The following SEMA4D variants were observed in gnomAD, a reference collection of about 807,000 sequenced individuals.
The protein encoded by SEMA4D is semaphorin-4D.
SEMA4D carries 22 observed loss-of-function variants against 74.8 expected under a neutral mutation model. The ratio of observed to expected loss-of-function variants is 0.29; its 90% CI spans 0.21 to 0.42. SEMA4D has a LOEUF of 0.42. Among genes scored for constraint, SEMA4D ranks in the 10% least tolerant of loss-of-function variants. The pLI, the probability that SEMA4D is intolerant of heterozygous loss-of-function variation, is 1.00. For synonymous variants in SEMA4D, 445 were observed against 463.7 expected (o/e 0.96, Z 0.52); for missense variants, 937 against 1,118.4 (o/e 0.84, Z 2.31).
chr9:89,363,809 T>C, exon 17 of SEMA4D: 1 of 1,614,082 alleles, frequency 6.2e-7, no homozygotes, highest in Non-Finnish European at 8.5e-7. Flanking sequence ...AGAGCAGCGA[T>C]ACTCAGCGCT....
intron 2 of SEMA4D, 77 bp from the exon 3 acceptor site, chr9:89,405,776 G>A: frequency 7.6e-7 from 1 of 1,309,042 alleles, no homozygotes. Flanking sequence ...TAGCCCCTCT[G>A]CTTGCCCTGG....
chr9:89,459,969 G>A (rs997525534), intron 1 of SEMA4D, among the ~76,000 whole-genome samples: 35 of 152,120 alleles, frequency 2.3e-4, no homozygotes, highest in Admixed American at 2.1e-3. Context: ...TGCCCTCTGC[G>A]TTCCAGAAAC....
chr9:89,406,328 C>T (rs1333698380), intron 2 of SEMA4D, among the ~76,000 whole-genome samples: 1 of 152,224 alleles, frequency 6.6e-6, no homozygotes, highest in African/African-American at 2.4e-5. Context: ...TCCAGTCTCA[C>T]TTAAAGAAGT....
At chr9:89,418,037 A>G in intron 2 of SEMA4D, 1 of 961,258 alleles carries the variant, frequency 1.0e-6, no homozygotes, top group Non-Finnish European at 1.2e-6. Flanking sequence ...ATTACAGATC[A>G]TGAATAAAGT....
chr9:89,466,830 C>T (rs1564896213), intron 1 of SEMA4D, among the ~76,000 whole-genome samples: 1 of 152,208 alleles, frequency 6.6e-6, no homozygotes, highest in Non-Finnish European at 1.5e-5. Flanking sequence ...ATGACCAATA[C>T]GAGCCTGATG....
intron 18 of SEMA4D, among the ~76,000 whole-genome samples, chr9:89,363,237 C>G (rs1295772579): frequency 6.6e-6 from 1 of 151,976 alleles, no homozygotes; most frequent in East Asian, 1.9e-4. Flanking sequence ...CCCTTGATCT[C>G]CTGCAGTCTC....
At chr9:89,369,052 GA>G (rs1834138495) in intron 16 of SEMA4D, 1 of 152,258 alleles carries the variant, frequency 6.6e-6, no homozygotes, top group South Asian at 2.1e-4. Flanking sequence ...ACATGCGAAG[GA>G]CCTCAGAGCA....
At chr9:89,474,608 C>T (rs907375628) in intron 1 of SEMA4D, among the ~76,000 whole-genome samples, 14 of 152,170 alleles carry the variant, frequency 9.2e-5, no homozygotes, top group Non-Finnish European at 2.1e-4. Context: ...ACTTCATTAT[C>T]GTTTTCAAGC....
intron 1 of SEMA4D, among the ~76,000 whole-genome samples, chr9:89,465,425 G>A (rs7856341): frequency 0.86 from 130,116 of 152,070 alleles, 56,511 homozygotes; most frequent in Non-Finnish European, 0.93. Flanking sequence ...CCTTCAGAGG[G>A]GAAGTCAAAG....
At chr9:89,495,683 C>T (rs779179945) in intron 1 of SEMA4D, among the ~76,000 whole-genome samples, 3 of 152,120 alleles carry the variant, frequency 2.0e-5, no homozygotes, top group East Asian at 1.9e-4. Flanking sequence ...GCCGACGGCA[C>T]GTTTATTTCT....
At chr9:89,476,509 T>C (rs533477819) in intron 1 of SEMA4D, among the ~76,000 whole-genome samples, 2 of 152,286 alleles carry the variant, frequency 1.3e-5, no homozygotes, top group East Asian at 3.9e-4. Context: ...TCCAATCAGC[T>C]GAAGGCATGA....
At chr9:89,423,928 C>T (rs997812979) in intron 2 of SEMA4D, among the ~76,000 whole-genome samples, 4 of 146,876 alleles carry the variant, frequency 2.7e-5, no homozygotes, top group Admixed American at 6.7e-5. Context: ...CAGTACCTCC[C>T]TTCCCTCAGC....
chr9:89,448,928 C>T (rs1293328617), intron 2 of SEMA4D, among the ~76,000 whole-genome samples: 2 of 152,186 alleles, frequency 1.3e-5, no homozygotes, highest in Non-Finnish European at 2.9e-5. Flanking sequence ...GGGGACCCTC[C>T]TCCCACGGGA....
At chr9:89,456,878 C>T (rs758586012) in intron 1 of SEMA4D, among the ~76,000 whole-genome samples, 2 of 152,168 alleles carry the variant, frequency 1.3e-5, no homozygotes, top group Admixed American at 6.5e-5. Flanking sequence ...TGAGCCACCG[C>T]GTCCAGCTGG....
In SEMA4D at chr9:89,484,403, G is replaced by A. The variant is rs541890709; in HGVS notation, c.-310+13516C>T. Reference sequence around the variant, plus strand: ...ATGACTGTGTGGTGTTATGTGTGGGGTTTGATGTGTGGTGTGTGTGGTGTG... The same window carrying A: ...ATGACTGTGTGGTGTTATGTGTGGGATTTGATGTGTGGTGTGTGTGGTGTG... On this transcript the variant is annotated intron_variant, in intron 1 of 15. Coordinates refer to ENST00000422704, the MANE Select transcript of SEMA4D (RefSeq NM_001371194.2). This position sits in a 1 kb window ranked among gnomAD's most constrained non-coding sequence, Gnocchi z 4.1. Among the ~76,000 whole-genome samples the A allele has an allele frequency of 1.1e-4, 16 of 152,234 alleles. No individual in the cohort carries two copies. The highest frequency in any genetic ancestry group is 3.4e-4 in the African/African-American group (14 of 41,542).
chr9:89,470,830 A>G (rs1860000722), intron 1 of SEMA4D, among the ~76,000 whole-genome samples: 1 of 152,236 alleles, frequency 6.6e-6, no homozygotes, highest in Non-Finnish European at 1.5e-5. Context: ...CCATTATATG[A>G]CATTCTTGAA....
chr9:89,447,921 G>T (rs1719493340), intron 2 of SEMA4D, among the ~76,000 whole-genome samples: 1 of 152,124 alleles, frequency 6.6e-6, no homozygotes, highest in Non-Finnish European at 1.5e-5. Flanking sequence ...CCATCAATCA[G>T]CCCAGCTCCC....
At chr9:89,445,305 T>A (rs189004873) in intron 2 of SEMA4D, among the ~76,000 whole-genome samples, 1 of 152,240 alleles carries the variant, frequency 6.6e-6, no homozygotes, top group Admixed American at 6.5e-5. Context: ...ATGGCCAGGG[T>A]ATTCACGGAA....
chr9:89,429,096 A>G (rs567493622), intron 2 of SEMA4D, among the ~76,000 whole-genome samples: 1 of 152,172 alleles, frequency 6.6e-6, no homozygotes, highest in Non-Finnish European at 1.5e-5. Flanking sequence ...CACAGCCCCC[A>G]GCTCCTTCCC....
Sources: gnomAD v4.1 joint callset for allele counts (sites outside exome capture counted in the v4.1 genomes callset) on GRCh38, gnomAD v4.1.1 for gene constraint, Gnocchi (gnomAD v3.1) non-coding constraint, MANE v1.5 for transcripts, NCBI Gene and HGNC (gene_info 2026-07-23, HGNC 2026-07-21) for gene names.